The following LMO3 variants were observed in gnomAD, a reference collection of about 807,000 sequenced individuals.
The protein encoded by LMO3 is LIM domain only 3.
LMO3 carries 2 observed loss-of-function variants against 15.8 expected under a neutral mutation model. The ratio of observed to expected loss-of-function variants is 0.13; its 90% CI spans 0.05 to 0.40. LMO3 has a LOEUF of 0.40. Among genes scored for constraint, LMO3 ranks in the 10% least tolerant of loss-of-function variants. The pLI, the probability that LMO3 is intolerant of heterozygous loss-of-function variation, is 0.99. For missense variants in LMO3, 86 were observed against 182.2 expected, an observed-to-expected ratio of 0.47 and a Z score of 3.04; for synonymous variants, 62 against 63.8, an observed-to-expected ratio of 0.97 and a Z score of 0.13.
chr12:16,565,859 C>T (rs1473569781), intron 2 of LMO3, among the ~76,000 whole-genome samples: 1 of 150,684 alleles, frequency 6.6e-6, no homozygotes, highest in Admixed American at 6.6e-5. Context: ...AATCCCACTA[C>T]TGGAAATCAG....
In LMO3 at chr12:16,584,968, A is replaced by C. The variant is rs1480684783; in HGVS notation, c.206+15687T>G. Reference sequence around the variant, plus strand: ...CAGAATTTTATGATTCTGACCAAAAAGTTACATACTAGTAGCTGTGTGCCA... The same window carrying C: ...CAGAATTTTATGATTCTGACCAAAACGTTACATACTAGTAGCTGTGTGCCA... On this transcript the variant is annotated intron_variant, in intron 2 of 3. Transcript: ENST00000537304. The surrounding 1 kb of genome is among the most constrained non-coding windows in gnomAD (Gnocchi z 5.2). Among the ~76,000 whole-genome samples, 1 of 152,216 alleles carries C rather than the reference A, an allele frequency of 6.6e-6. No individual in the cohort carries two copies. The highest frequency in any genetic ancestry group is 1.5e-5 in the Non-Finnish European group (1 of 68,034).
intron 2 of LMO3, chr12:16,567,632 A>AT (rs1455239776): frequency 2.0e-5 from 3 of 152,192 alleles, no homozygotes; most frequent in Non-Finnish European, 2.9e-5. Context: ...TTTAAAGGCT[A>AT]TTTTTTAAAT....
intron 2 of LMO3, among the ~76,000 whole-genome samples, chr12:16,575,060 T>A (rs1378780606): frequency 6.6e-6 from 1 of 152,174 alleles, no homozygotes; most frequent in Non-Finnish European, 1.5e-5. Flanking sequence ...TTTCGTTTGT[T>A]TATTTTTACC....
At chr12:16,569,862 G>C (rs921336810) in intron 2 of LMO3, among the ~76,000 whole-genome samples, 5 of 152,050 alleles carry the variant, frequency 3.3e-5, no homozygotes, top group Non-Finnish European at 7.4e-5. Context: ...TACTAAAACA[G>C]AAATATTTTA....
chr12:16,554,475 G>C (rs1942110843), intron 3 of LMO3, among the ~76,000 whole-genome samples: 1 of 151,994 alleles, frequency 6.6e-6, no homozygotes, highest in African/African-American at 2.4e-5. Flanking sequence ...AGAAGTCCGG[G>C]TTGTGTACTC....
chr12:16,567,600 A>T (rs148121744), intron 2 of LMO3: 3 of 152,230 alleles, frequency 2.0e-5, no homozygotes, highest in Non-Finnish European at 4.4e-5. Flanking sequence ...AGAAGCCTCT[A>T]TGTGGTCAAG....
intron 3 of LMO3, among the ~76,000 whole-genome samples, chr12:16,556,620 G>C (rs1225664206): frequency 6.6e-6 from 1 of 152,128 alleles, no homozygotes; most frequent in Non-Finnish European, 1.5e-5. Flanking sequence ...TTACCTATTT[G>C]CCTTGTGTTT....
chr12:16,607,084 C>G (rs532881912), upstream of LMO3: 1 of 152,382 alleles, frequency 6.6e-6, no homozygotes, highest in Non-Finnish European at 1.5e-5. Context: ...TCTGTGACTT[C>G]CATTCATGAA....
intron 2 of LMO3, among the ~76,000 whole-genome samples, chr12:16,581,543 A>G (rs1449343879): frequency 6.6e-6 from 1 of 152,198 alleles, no homozygotes; most frequent in Non-Finnish European, 1.5e-5. Flanking sequence ...AACACTACCC[A>G]TTATAGAGTA....
chr12:16,560,427 C>G lies in LMO3; in HGVS notation c.318G>C (p.Gln106His). The G allele has an allele frequency of 6.2e-7, 1 of 1,613,616 alleles. No homozygotes were observed. Among genetic ancestry groups the G allele is most frequent in the Non-Finnish European group, 8.5e-7 (1 of 1,179,714 alleles). ...NVYHLDCFAC[Q>H]LCNQRFCVGD... is the part of the protein sequence containing the mutation. ...GACCTGCTTACCTCTGATTACAAAG[C>G]TGACATGCAAAGCAGTCCAGGTGGT... The change falls in exon 3 of 4, where the codon CAG becomes CAC. Residue 106 changes from glutamine (Q) to histidine (H), a missense_variant. Around this residue, in one of 3 missense-constraint regions of LMO3, gnomAD observed 51 missense variants for 140.3 expected, o/e 0.36. Transcript: ENST00000537304. The surrounding 1 kb of genome is among the most constrained non-coding windows in gnomAD (Gnocchi z 5.0).
chr12:16,580,643 CA>C (rs1943132181), intron 2 of LMO3, among the ~76,000 whole-genome samples: 1 of 152,068 alleles, frequency 6.6e-6, no homozygotes, highest in Non-Finnish European at 1.5e-5. Flanking sequence ...GGTTACAAAA[CA>C]GAATGTAAAT....
intron 2 of LMO3, among the ~76,000 whole-genome samples, chr12:16,568,554 C>G (rs974784734): frequency 2.0e-5 from 3 of 152,074 alleles, no homozygotes; most frequent in African/African-American, 7.2e-5. Flanking sequence ...TTGAGATGCT[C>G]TAAGTGGGGC....
chr12:16,553,244 T>C (rs368337625), intron 3 of LMO3, among the ~76,000 whole-genome samples: 1 of 152,126 alleles, frequency 6.6e-6, no homozygotes, highest in East Asian at 1.9e-4. Context: ...CAAGATTCTG[T>C]AGTTAAAACG....
At chr12:16,571,103 C>G (rs556407744) in intron 2 of LMO3, among the ~76,000 whole-genome samples, 54 of 151,946 alleles carry the variant, frequency 3.6e-4, no homozygotes, top group African/African-American at 1.2e-3. Flanking sequence ...TTTATCTTAC[C>G]TCGTTGAAGA....
At chr12:16,554,525 T>TA in intron 3 of LMO3, among the ~76,000 whole-genome samples, 1 of 152,164 alleles carries the variant, frequency 6.6e-6, no homozygotes, top group Non-Finnish European at 1.5e-5. Context: ...TTACTGTCTT[T>TA]CCCACTGACA....
At chr12:16,595,691 T>C (rs1943629109) in intron 2 of LMO3, among the ~76,000 whole-genome samples, 1 of 151,272 alleles carries the variant, frequency 6.6e-6, no homozygotes, top group African/African-American at 2.4e-5. Context: ...AGATATGGAG[T>C]TCAATATGCT....
chr12:16,580,315 A>G lies in LMO3; in HGVS notation c.207-19777T>C, dbSNP rs887024362. Among the ~76,000 whole-genome samples the G allele has an allele frequency of 3.3e-5, 5 of 152,192 alleles. No homozygotes were observed. The East Asian group carries it at 9.6e-4, about 29-fold the overall frequency. On this transcript the variant is annotated intron_variant, in intron 2 of 3. Coordinates refer to ENST00000537304, the MANE Select transcript of LMO3 (RefSeq NM_018640.5). Reference sequence around the variant, plus strand: ...AAGCAACTTCTGTTTTACTGGGAGCACTAGGAATAGAAGGATCAAGAGCAA... The same window carrying G: ...AAGCAACTTCTGTTTTACTGGGAGCGCTAGGAATAGAAGGATCAAGAGCAA...
intron 2 of LMO3, among the ~76,000 whole-genome samples, chr12:16,574,182 G>C (rs977212584): frequency 6.6e-6 from 1 of 151,826 alleles, no homozygotes; most frequent in Non-Finnish European, 1.5e-5. Context: ...AAGACAGTAG[G>C]GCTAGAAATT....
Position 16,600,687 on chromosome 12 carries a change from A to T in LMO3, c.174T>A (p.Ala58=). 1 of 1,614,110 alleles carries T rather than the reference A, an allele frequency of 6.2e-7. No individual in the cohort carries two copies. The highest frequency in any genetic ancestry group is 8.5e-7 in the Non-Finnish European group (1 of 1,179,962). The change falls in exon 2 of 4, where the codon GCT becomes GCA. Residue 58 remains alanine (A), a synonymous_variant. Transcript: ENST00000537304. ...AGTCTCTGCGACAAAGGATAAGATTAGCTTTAGTGTACAGGGTGGAGCCCA... is the reference window on the plus strand; with the variant it reads ...AGTCTCTGCGACAAAGGATAAGATTTGCTTTAGTGTACAGGGTGGAGCCCA... ...GEVGSTLYTK[A]NLILCRRDYL... is the part of the protein sequence containing the mutation.
Sources: gnomAD v4.1 joint callset for allele counts (sites outside exome capture counted in the v4.1 genomes callset) on GRCh38, gnomAD v4.1.1 for gene constraint, gnomAD v4.1.1 regional missense constraint, Gnocchi (gnomAD v3.1) non-coding constraint, MANE v1.5 for transcripts, NCBI Gene and HGNC (gene_info 2026-07-23, HGNC 2026-07-21) for gene names.